Variants in SRP19 observed in about 807,000 individuals in gnomAD.
SRP19 encodes the protein signal recognition particle 19 kDa protein.
SRP19 carries 11 observed loss-of-function variants against 22.4 expected under a neutral mutation model. The observed-to-expected ratio is 0.49, with a 90% confidence interval of 0.31 to 0.81. The LOEUF (loss-of-function observed/expected upper bound fraction) is 0.81. SRP19 is among the 40% of genes least tolerant of loss of function. SRP19 has a pLI of 0.05. For missense variants in SRP19, 168 were observed against 175.9 expected, an observed-to-expected ratio of 0.96 and a Z score of 0.25; for synonymous variants, 61 against 57.6, an observed-to-expected ratio of 1.06 and a Z score of -0.27.
chr5:112,877,360 C>T (rs1767929383), intron 4 of SRP19: 1 of 152,122 alleles, frequency 6.6e-6, no homozygotes, highest in African/African-American at 2.4e-5. Flanking sequence ...TTTAGTTATA[C>T]ACTTGTTTTA....
intron 4 of SRP19, chr5:112,876,913 A>T (rs1767911875): frequency 6.6e-6 from 1 of 152,120 alleles, no homozygotes; most frequent in Non-Finnish European, 1.5e-5. Flanking sequence ...TAACTTTTGT[A>T]CCTCCTCATC....
At chr5:112,892,609 CAAT>C (rs1411851054) in exon 5 of SRP19, 1 of 1,614,092 alleles carries the variant, frequency 6.2e-7, no homozygotes, top group East Asian at 2.2e-5. Context: ...TGAAATACAA[CAAT>C]GTCCAAGAGG....
intron 4 of SRP19, chr5:112,885,478 T>C (rs1768215177): frequency 5.1e-6 from 1 of 195,530 alleles, no homozygotes; most frequent in Non-Finnish European, 1.1e-5. Context: ...TCCATCTATT[T>C]GATGCTTGAC....
At chr5:112,862,293 G>GT (rs1767430671) in intron 1 of SRP19, 1 of 595,784 alleles carries the variant, frequency 1.7e-6, no homozygotes, top group East Asian at 2.9e-5. Context: ...TCAGAAAGAG[G>GT]AGTAGGCCCG....
At chr5:112,873,876 G>T (rs141543569), downstream of SRP19, among the ~76,000 whole-genome samples, 2 of 152,090 alleles carry the variant, frequency 1.3e-5, no homozygotes, top group East Asian at 3.9e-4. Context: ...TATAAGTTGA[G>T]ATCTGGCCTG....
At position 112,864,492 on chromosome 5, in the gene SRP19, T is replaced by C. The variant is rs1214645724; in HGVS notation, c.153T>C (p.Asp51=). 6.2e-7 allele frequency: 1 copy of C among 1,613,968 alleles called. No homozygotes were observed. Among genetic ancestry groups the C allele is most frequent in the Non-Finnish European group, 8.5e-7 (1 of 1,180,002 alleles). The change falls in exon 3 of 5, where the codon GAT becomes GAC. Residue 51 remains aspartate (D), a synonymous_variant. Coordinates refer to ENST00000505459, the MANE Select transcript of SRP19 (RefSeq NM_003135.3). ...ATCCTACAGCTACAGAGATTCAAGA[T>C]GTATGTTCAGCAGTTGGACTTAACG... ...VENPTATEIQ[D]VCSAVGLNVF...
At chr5:112,896,978 G>T (rs1368921875), downstream of SRP19, 1 of 151,984 alleles carries the variant, frequency 6.6e-6, no homozygotes, top group Non-Finnish European at 1.5e-5. Flanking sequence ...GGTAAACAGA[G>T]GATACAAAGA....
chr5:112,878,961 A>G (rs1422871910), intron 4 of SRP19: 4 of 1,453,458 alleles, frequency 2.8e-6, no homozygotes, highest in Middle Eastern at 1.8e-4. Context: ...TTCAGGTGCG[A>G]TCATGTTGGG....
downstream of SRP19, among the ~76,000 whole-genome samples, chr5:112,874,385 C>T (rs567199105): frequency 1.1e-4 from 16 of 152,068 alleles, no homozygotes; most frequent in Non-Finnish European, 2.1e-4. Context: ...CATTACTAGT[C>T]TCTACCAGTG....
chr5:112,862,790 G>A (rs548408642), intron 2 of SRP19, among the ~76,000 whole-genome samples: 15 of 151,618 alleles, frequency 9.9e-5, no homozygotes, highest in African/African-American at 2.9e-4. Flanking sequence ...TTTTTTTAAC[G>A]TCTCTTAATG....
chr5:112,886,707 A>C (rs1161770710), intron 4 of SRP19, among the ~76,000 whole-genome samples: 2 of 152,240 alleles, frequency 1.3e-5, no homozygotes, highest in African/African-American at 4.8e-5. Flanking sequence ...TTAAATAAAC[A>C]ATTAGAAGAG....
In SRP19 at chr5:112,861,478, T is replaced by C. The variant is rs368686098; in HGVS notation, c.41+61T>C. On this transcript the variant is annotated intron_variant, in intron 1 of 4. Transcript: ENST00000505459. ...GGGCTTGCTGTGGTGCTGCAGGTGC[T>C]ACACCGCGCTTCTCCGCTCCGCGGC... is the stretch of plus-strand genomic sequence containing the variant. 4.2e-5 allele frequency: 65 copies of C among 1,550,594 alleles called. No individual in the cohort carries two copies. The African/African-American group carries it at 6.3e-4, about 15-fold the overall frequency.
intron 4 of SRP19, among the ~76,000 whole-genome samples, chr5:112,889,318 C>A (rs1319618998): frequency 6.6e-6 from 1 of 150,690 alleles, no homozygotes; most frequent in Non-Finnish European, 1.5e-5. Flanking sequence ...AAGAAACATA[C>A]CTACAACAAA....
At chr5:112,890,961 A>C (rs1356294789) in intron 4 of SRP19, among the ~76,000 whole-genome samples, 1 of 150,964 alleles carries the variant, frequency 6.6e-6, no homozygotes, top group African/African-American at 2.5e-5. Flanking sequence ...CTCTGACCCA[A>C]GAATACTGTG....
rs1218211177 is a variant in SRP19, at chr5:112,867,927, T to C, written c.*390T>C. On this transcript the variant is annotated 3_prime_UTR_variant, in exon 5 of 5. Transcript: ENST00000505459. ...AACTGACTTTTGCAGCTTTTGCTTA[T>C]ATACTAATGCTAGGAGAGGAGGGAT... 1.0e-6 allele frequency: 1 copy of C among 989,902 alleles called. No homozygotes were observed. Among genetic ancestry groups the C allele is most frequent in the African/African-American group, 1.7e-5 (1 of 57,312 alleles). 61.3% of individuals were successfully genotyped at this position (989,902 alleles called of 1,614,324 possible). A position where few individuals can be genotyped will look rare whatever the true frequency, so the allele number is the denominator to read the frequency against.
intron 4 of SRP19, among the ~76,000 whole-genome samples, chr5:112,866,338 A>C (rs1767605440): frequency 6.6e-6 from 1 of 151,282 alleles, no homozygotes; most frequent in Admixed American, 6.6e-5. Flanking sequence ...CTGGTCTCGA[A>C]CTCTCGACCT....
In SRP19 at chr5:112,867,243, G is replaced by C. The variant is rs145488859; in HGVS notation, c.302-161G>C. ...ACTCTCAGTACATTTCCCCCGACTT[G>C]AGCTAGTCAGTGTCTTCAGTCATTT... On this transcript the variant is annotated intron_variant, in intron 4 of 4. Coordinates refer to ENST00000505459, the MANE Select transcript of SRP19 (RefSeq NM_003135.3). 0.012 allele frequency: 8,601 copies of C among 714,984 alleles called. 73 individuals are homozygous for C. Among genetic ancestry groups the C allele is most frequent in the Non-Finnish European group, 0.016 (7,391 of 453,518 alleles). The allele number at this position is 714,984 out of a possible 1,614,324, so 44.3% of individuals were successfully genotyped here.
At chr5:112,891,581 A>C (rs1055297003) in intron 4 of SRP19, 23 of 1,553,396 alleles carry the variant, frequency 1.5e-5, no homozygotes, top group Admixed American at 9.8e-5. Context: ...CTATGAACAA[A>C]ATCTTCCATA....
chr5:112,891,621 G>C (rs1277779895), exon 5 of SRP19: 29 of 1,584,104 alleles, frequency 1.8e-5, no homozygotes, highest in Non-Finnish European at 2.4e-5. Flanking sequence ...TGTCTGAGGG[G>C]TCAGGCGGTG....
Sources: allele counts gnomAD v4.1 joint callset (sites outside exome capture counted in the v4.1 genomes callset), GRCh38; gene constraint gnomAD v4.1.1; transcripts MANE v1.5; gene names NCBI Gene and HGNC (gene_info 2026-07-23, HGNC 2026-07-21).